Variants in UBE2E1 observed in about 807,000 individuals in gnomAD.
UBE2E1 encodes ubiquitin-conjugating enzyme E2 E1.
UBE2E1 carries 6 observed loss-of-function variants against 21.4 expected under a neutral mutation model. The ratio of observed to expected loss-of-function variants is 0.28; its 90% confidence interval spans 0.15 to 0.55. The LOEUF (loss-of-function observed/expected upper bound fraction) is 0.55. UBE2E1 is among the 20% of genes least tolerant of loss of function. The pLI, the probability that UBE2E1 is intolerant of heterozygous loss-of-function variation, is 0.93. For synonymous variants in UBE2E1, 87 were observed against 82.7 expected (o/e 1.05, Z -0.28); for missense variants, 142 against 236.5 (o/e 0.60, Z 2.62).
intron 3 of UBE2E1, among the ~76,000 whole-genome samples, chr3:23,861,332 T>C (rs1431559363): frequency 6.6e-6 from 1 of 152,206 alleles, no homozygotes; most frequent in Non-Finnish European, 1.5e-5. Flanking sequence ...TGTTTCTGAA[T>C]TGTTTGATGT....
At chr3:23,846,682 C>A (rs538909602) in intron 3 of UBE2E1, among the ~76,000 whole-genome samples, 1 of 114,810 alleles carries the variant, frequency 8.7e-6, no homozygotes, top group Non-Finnish European at 1.6e-5. Flanking sequence ...GGCGACAGAG[C>A]GAGACTCCAT....
intron 3 of UBE2E1, among the ~76,000 whole-genome samples, chr3:23,834,871 A>T (rs1215423299): frequency 6.6e-6 from 1 of 152,252 alleles, no homozygotes; most frequent in Non-Finnish European, 1.5e-5. Flanking sequence ...AATGAAAGAA[A>T]TCACTTTGGA....
intron 3 of UBE2E1, among the ~76,000 whole-genome samples, chr3:23,884,031 C>T (rs1701118807): frequency 6.6e-6 from 1 of 151,924 alleles, no homozygotes. Context: ...ACTGCATTTT[C>T]TTCAGGGTCA....
At position 23,810,628 on chromosome 3, in the gene UBE2E1, G is replaced by A; in HGVS notation, c.153-832G>A. 3 of 1,159,468 alleles carry A rather than the reference G, an allele frequency of 2.6e-6. No individual in the cohort carries two copies. The highest frequency in any genetic ancestry group is 3.5e-6 in the Non-Finnish European group (3 of 852,864). 71.8% of individuals were successfully genotyped at this position (1,159,468 alleles called of 1,614,324 possible). The stretch of plus-strand genomic sequence containing the variant: ...GGGCCGGCCACTTGGGGTCTGTGGT[G>A]CCCGAGTGGCGGGCGGGGGTGTTCG... On this transcript the variant is annotated intron_variant, in intron 2 of 5. Transcript: ENST00000306627. This position sits in a 1 kb window ranked among gnomAD's most constrained non-coding sequence, Gnocchi z 5.8.
chr3:23,830,953 A>G (rs1206877142), intron 3 of UBE2E1, among the ~76,000 whole-genome samples: 1 of 152,252 alleles, frequency 6.6e-6, no homozygotes, highest in Non-Finnish European at 1.5e-5. Context: ...CCCATTTTAC[A>G]GATTATGAAA....
intron 3 of UBE2E1, among the ~76,000 whole-genome samples, chr3:23,871,912 C>T (rs1700803432): frequency 6.6e-6 from 1 of 151,748 alleles, no homozygotes; most frequent in Non-Finnish European, 1.5e-5. Flanking sequence ...CAGAGGGGCT[C>T]CTCACGTCCC....
intron 3 of UBE2E1, among the ~76,000 whole-genome samples, chr3:23,882,958 T>C (rs1701088487): frequency 6.6e-6 from 1 of 152,170 alleles, no homozygotes; most frequent in African/African-American, 2.4e-5. Context: ...AGCTCCAGCC[T>C]CAGCCAGCAC....
chr3:23,852,005 T>G (rs1700336452), intron 3 of UBE2E1, among the ~76,000 whole-genome samples: 1 of 152,150 alleles, frequency 6.6e-6, no homozygotes, highest in African/African-American at 2.4e-5. Flanking sequence ...TCTCATTGTT[T>G]AAACAATGTC....
At chr3:23,807,198 T>G in intron 1 of UBE2E1, 39 bp from the exon 2 acceptor site, 4 of 1,502,472 alleles carry the variant, frequency 2.7e-6, no homozygotes, top group Admixed American at 2.3e-5. Flanking sequence ...ACTGGCTGCA[T>G]GGTTTGTGTG....
intron 3 of UBE2E1, among the ~76,000 whole-genome samples, chr3:23,820,605 C>T (rs762141753): frequency 6.6e-6 from 1 of 152,186 alleles, no homozygotes; most frequent in Non-Finnish European, 1.5e-5. Context: ...AAACTGAATT[C>T]TGTCTGCTCT....
intron 3 of UBE2E1, among the ~76,000 whole-genome samples, chr3:23,834,779 A>G (rs1699944528): frequency 6.6e-6 from 1 of 152,208 alleles, no homozygotes; most frequent in Admixed American, 6.5e-5. Context: ...TAATACTAGG[A>G]AAGCTCTTTG....
chr3:23,839,414 A>G (rs1700038515), intron 3 of UBE2E1, among the ~76,000 whole-genome samples: 1 of 152,072 alleles, frequency 6.6e-6, no homozygotes, highest in South Asian at 2.1e-4. Context: ...CAGTGAGCCA[A>G]GATCACTCCA....
intron 3 of UBE2E1, among the ~76,000 whole-genome samples, chr3:23,855,994 A>G (rs1480549978): frequency 6.6e-6 from 1 of 152,126 alleles, no homozygotes; most frequent in Non-Finnish European, 1.5e-5. Context: ...TGGAATTTGC[A>G]TGCTGTTCAG....
chr3:23,831,148 A>G lies in UBE2E1; in HGVS notation c.203+19638A>G, dbSNP rs72627005. On this transcript the variant is annotated intron_variant, in intron 3 of 5. Transcript: ENST00000306627. The stretch of plus-strand genomic sequence containing the variant: ...GCAGTCTAATTAATTCATTTAAATA[A>G]AAAGATAATATTATAGGGATATTTG... 3.5e-3 allele frequency among the ~76,000 whole-genome samples: 538 copies of G among 152,358 alleles called. 10 individuals are homozygous for G. In the East Asian group the frequency reaches 0.044, roughly 12 times the overall value.
intron 3 of UBE2E1, among the ~76,000 whole-genome samples, chr3:23,882,068 C>G (rs1282766284): frequency 6.6e-6 from 1 of 152,190 alleles, no homozygotes; most frequent in Admixed American, 6.5e-5. Context: ...AAAGAGTGAG[C>G]AGCAGCAAGA....
Position 23,838,876 on chromosome 3 carries a change from GTT to G in UBE2E1, c.203+27378_203+27379del, listed in dbSNP as rs35492575. Among the ~76,000 whole-genome samples the G allele has an allele frequency of 4.8e-3, 690 of 144,412 alleles. 10 individuals carry two copies. Among genetic ancestry groups the G allele is most frequent in the East Asian group, 0.046 (226 of 4,920 alleles). The allele number at this position is 144,412 out of a possible 152,430, so 94.7% of individuals were successfully genotyped here. A position where few individuals can be genotyped will look rare whatever the true frequency, so the allele number is the denominator to read the frequency against. The stretch of plus-strand genomic sequence containing the variant: ...TTTTTCATGCTTGCTTTTGGGTTGA[GTT>G]TTTTTTTTTTTAATGATACTATATT... On this transcript the variant is annotated intron_variant, in intron 3 of 5. Transcript: ENST00000306627.
chr3:23,829,165 A>G (rs1699815063), intron 3 of UBE2E1, among the ~76,000 whole-genome samples: 1 of 8,322 alleles, frequency 1.2e-4, no homozygotes. Context: ...ACAGGGCCTC[A>G]AAAAAAAAAA....
At chr3:23,826,295 G>C (rs1014180304) in intron 3 of UBE2E1, among the ~76,000 whole-genome samples, 1 of 152,206 alleles carries the variant, frequency 6.6e-6, no homozygotes, top group Non-Finnish European at 1.5e-5. Flanking sequence ...AGCTGGTCTT[G>C]ACGTAAAGGT....
chr3:23,879,935 T>A (rs546650376), intron 3 of UBE2E1, among the ~76,000 whole-genome samples: 1 of 152,348 alleles, frequency 6.6e-6, no homozygotes, highest in African/African-American at 2.4e-5. Flanking sequence ...ATTCATTTGA[T>A]AGAAAGATAC....
Sources: allele counts gnomAD v4.1 joint callset (sites outside exome capture counted in the v4.1 genomes callset), GRCh38; gene constraint gnomAD v4.1.1; non-coding constraint Gnocchi (gnomAD v3.1); transcripts MANE v1.5; gene names NCBI Gene and HGNC (gene_info 2026-07-23, HGNC 2026-07-21).